Variants in KIF21A observed in about 807,000 individuals in gnomAD.
KIF21A encodes kinesin family member 21A.
Under a neutral mutation model 202.9 loss-of-function variants are expected in KIF21A, and 114 were observed. The observed-to-expected ratio is 0.56, with a 90% confidence interval of 0.48 to 0.66. The LOEUF (loss-of-function observed/expected upper bound fraction) is 0.66, where lower values mean the gene tolerates loss of function less well. Among genes scored for constraint, KIF21A ranks in the 30% least tolerant of loss-of-function variants. The pLI is 0.00. For synonymous variants in KIF21A, 667 were observed against 670.8 expected (o/e 0.99, Z 0.09); for missense variants, 1,677 against 1,994.9 (o/e 0.84, Z 3.04).
chr12:39,340,969 T>C lies in KIF21A; in HGVS notation c.2047A>G (p.Met683Val). Reference protein sequence around the residue: ...TLKKQYEEKLMMLQHKIRDTQ... With the variant: ...TLKKQYEEKLVMLQHKIRDTQ... ...TCCCGAATTTTATGTTGCAGCATCA[T>C]TAGCTTCTCTTCATACTGCTTTTTC... Residue 683 changes from methionine (M) to valine (V), a missense_variant, in exon 15 of 38, where the codon ATG becomes GTG. By Grantham distance (21) the Met-to-Val change is conservative (BLOSUM62 1). This residue lies in a region of KIF21A where 966 missense variants were observed against 1,180.9 expected (regional missense o/e 0.82). Coordinates refer to ENST00000361418, the MANE Select transcript of KIF21A (RefSeq NM_001173464.2). The C allele has an allele frequency of 6.2e-7, 1 of 1,613,350 alleles. No individual in the cohort carries two copies. The highest frequency in any genetic ancestry group is 8.5e-7 in the Non-Finnish European group (1 of 1,179,550).
At chr12:39,355,496 TA>T (rs1266061006) in intron 10 of KIF21A, among the ~76,000 whole-genome samples, 2 of 151,226 alleles carry the variant, frequency 1.3e-5, no homozygotes, top group African/African-American at 2.4e-5. Context: ...CTTCAAGAAT[TA>T]AAAAAACAGA....
At chr12:39,434,044 A>G (rs188516739) in intron 1 of KIF21A, among the ~76,000 whole-genome samples, 1 of 152,326 alleles carries the variant, frequency 6.6e-6, no homozygotes, top group East Asian at 1.9e-4. Context: ...TTGGTGTCCT[A>G]GTCCATTTTG....
At chr12:39,418,380 A>G (rs1274074138) in intron 1 of KIF21A, among the ~76,000 whole-genome samples, 2 of 152,200 alleles carry the variant, frequency 1.3e-5, no homozygotes, top group Non-Finnish European at 2.9e-5. Context: ...AAACATAGCA[A>G]ACATTGTTCA....
At chr12:39,364,424 A>G (rs766735753) in intron 6 of KIF21A, among the ~76,000 whole-genome samples, 26 of 152,218 alleles carry the variant, frequency 1.7e-4, no homozygotes, top group Non-Finnish European at 3.5e-4. Context: ...CACCATGATT[A>G]TATCTCCTAA....
intron 3 of KIF21A, among the ~76,000 whole-genome samples, chr12:39,368,745 A>C (rs1008540843): frequency 6.6e-5 from 10 of 152,106 alleles, no homozygotes; most frequent in African/African-American, 2.4e-4. Flanking sequence ...AGTAAAAAAA[A>C]AAAACTGATA....
chr12:39,329,447 A>G (rs1165474015), intron 24 of KIF21A, among the ~76,000 whole-genome samples: 1 of 152,170 alleles, frequency 6.6e-6, no homozygotes, highest in Non-Finnish European at 1.5e-5. Context: ...AAGGAGGAGG[A>G]GAACAAGAAG....
At chr12:39,357,042 C>A in intron 9 of KIF21A, 147 bp from the exon 10 acceptor site, 3 of 651,180 alleles carry the variant, frequency 4.6e-6, no homozygotes, top group Non-Finnish European at 5.3e-6. Flanking sequence ...ATGAGCAGAC[C>A]ACAAGATAAT....
intron 1 of KIF21A, among the ~76,000 whole-genome samples, chr12:39,382,861 C>T (rs1950703335): frequency 1.3e-5 from 2 of 152,334 alleles, no homozygotes; most frequent in Admixed American, 1.3e-4. Flanking sequence ...AACTTGCATA[C>T]ATTTGCTTCA....
At chr12:39,351,411 C>A (rs910393629) in intron 11 of KIF21A, among the ~76,000 whole-genome samples, 2 of 151,918 alleles carry the variant, frequency 1.3e-5, no homozygotes, top group African/African-American at 4.8e-5. Context: ...TATTTAATTG[C>A]ATTAGGAAAT....
Position 39,372,805 on chromosome 12 carries a change from C to G in KIF21A, c.45-2544G>C, listed in dbSNP as rs561943335. ...CTTCTCCTACCACATTACTTTTTACCACAGCAAAAACCCCAATCCTCTTTA... is the reference window on the plus strand; with the variant it reads ...CTTCTCCTACCACATTACTTTTTACGACAGCAAAAACCCCAATCCTCTTTA... On this transcript the variant is annotated intron_variant, in intron 1 of 37. Coordinates refer to ENST00000361418, the MANE Select transcript of KIF21A (RefSeq NM_001173464.2). Among the ~76,000 whole-genome samples the G allele has an allele frequency of 3.6e-4, 55 of 152,126 alleles. No homozygotes were observed. In the East Asian group the frequency reaches 7.7e-3, roughly 21 times the overall value.
At chr12:39,423,211 TCA>T (rs1461012599) in intron 1 of KIF21A, among the ~76,000 whole-genome samples, 4 of 152,212 alleles carry the variant, frequency 2.6e-5, no homozygotes, top group African/African-American at 9.7e-5. Context: ...TGAAGGGCTC[TCA>T]AGTAAGGCTA....
chr12:39,440,652 T>C (rs1367273603), intron 1 of KIF21A, among the ~76,000 whole-genome samples: 2 of 152,286 alleles, frequency 1.3e-5, no homozygotes, highest in African/African-American at 2.4e-5. Flanking sequence ...AAGTGCTATA[T>C]GAGTATAAGC....
intron 1 of KIF21A, among the ~76,000 whole-genome samples, chr12:39,431,764 A>G (rs1361508808): frequency 1.3e-5 from 2 of 152,238 alleles, no homozygotes; most frequent in African/African-American, 4.8e-5. Context: ...CCAAAACCCA[A>G]TCTGCTACAG....
chr12:39,301,508 T>G lies in KIF21A; in HGVS notation c.4903A>C (p.Asn1635His). The G allele has an allele frequency of 6.2e-7, 1 of 1,614,070 alleles. No individual in the cohort carries two copies. The highest frequency in any genetic ancestry group is 8.5e-7 in the Non-Finnish European group (1 of 1,179,958). Reference sequence around the variant, plus strand: ...GCTGCAGTAAAAATGTGGGTGGAATTAACACATATGGCATTGATAGGACTA... The same window carrying G: ...GCTGCAGTAAAAATGTGGGTGGAATGAACACATATGGCATTGATAGGACTA... ...HDSPINAICV[N>H]STHIFTAADD... Residue 1635 changes from asparagine to histidine, a missense_variant, in exon 37 of 38, where the codon AAT becomes CAT. Asn to His is a moderately conservative substitution (Grantham distance 68). Transcript: ENST00000361418.
chr12:39,362,014 C>G (rs1447132525), intron 7 of KIF21A, among the ~76,000 whole-genome samples: 2 of 152,062 alleles, frequency 1.3e-5, no homozygotes, highest in Non-Finnish European at 2.9e-5. Context: ...TGGAACTGTT[C>G]TCATGATAGA....
intron 34 of KIF21A, among the ~76,000 whole-genome samples, chr12:39,307,103 T>C (rs1042774105): frequency 6.6e-6 from 1 of 152,148 alleles, no homozygotes; most frequent in African/African-American, 2.4e-5. Flanking sequence ...TAATACTTCA[T>C]AGTTTACATA....
At chr12:39,365,898 T>C (rs1949567676) in intron 6 of KIF21A, among the ~76,000 whole-genome samples, 1 of 152,090 alleles carries the variant, frequency 6.6e-6, no homozygotes, top group Admixed American at 6.6e-5. Context: ...TGGTCCCAGC[T>C]TCTATGAAGT....
At chr12:39,306,121 G>C (rs1943448979) in intron 34 of KIF21A, among the ~76,000 whole-genome samples, 1 of 152,054 alleles carries the variant, frequency 6.6e-6, no homozygotes, top group South Asian at 2.1e-4. Context: ...AAATCAAGCT[G>C]CTGGAATAAA....
At chr12:39,393,646 TAGTC>T (rs1005023213) in intron 1 of KIF21A, among the ~76,000 whole-genome samples, 5 of 152,228 alleles carry the variant, frequency 3.3e-5, no homozygotes, top group Non-Finnish European at 5.9e-5. Context: ...CAGCCTAAGA[TAGTC>T]AGTATTAAAC....
Sources: allele counts gnomAD v4.1 joint callset (sites outside exome capture counted in the v4.1 genomes callset), GRCh38; gene constraint gnomAD v4.1.1; regional missense constraint gnomAD v4.1.1; transcripts MANE v1.5; gene names NCBI Gene and HGNC (gene_info 2026-07-23, HGNC 2026-07-21).